The following ATG7 variants were observed in gnomAD, a reference collection of about 807,000 sequenced individuals.
ATG7 encodes autophagy related 7, also known as ubiquitin-like modifier-activating enzyme ATG7.
A neutral mutation model predicts 82.4 loss-of-function variants in ATG7; 70 were observed. That is an observed-to-expected ratio of 0.85 (90% CI 0.70 to 1.04). The LOEUF (loss-of-function observed/expected upper bound fraction) is 1.04, where lower values mean the gene tolerates loss of function less well. Among genes scored for constraint, ATG7 ranks in the 50% least tolerant of loss-of-function variants. The pLI is 0.00. For missense variants in ATG7, 792 were observed against 864.3 expected (o/e 0.92, Z 1.05); for synonymous variants, 287 against 313.0 (o/e 0.92, Z 0.88).
intron 3 of ATG7, chr3:11,290,479 G>C (rs1215672333): frequency 6.8e-6 from 2 of 294,440 alleles, no homozygotes; most frequent in Non-Finnish European, 1.3e-5. Context: ...ACCTGTTTCT[G>C]CAGCCTCATG....
Position 11,340,569 on chromosome 3 carries a change from A to T in ATG7, c.890-76A>T. ...GCCATTATGAATGTCGATCTTTTTT[A>T]TGTAAGGTCGTTGCTTGATCTGCTT... On this transcript the variant is annotated intron_variant, in intron 11 of 20. Transcript: ENST00000693202. The T allele has an allele frequency of 7.6e-7, 1 of 1,321,876 alleles. No homozygotes were observed. 81.9% of individuals were successfully genotyped at this position (1,321,876 alleles called of 1,614,324 possible). A position where few individuals can be genotyped will look rare whatever the true frequency, so the allele number is the denominator to read the frequency against.
At chr3:11,460,102 G>A (rs1191890939) in intron 20 of ATG7, among the ~76,000 whole-genome samples, 1 of 152,178 alleles carries the variant, frequency 6.6e-6, no homozygotes, top group Non-Finnish European at 1.5e-5. Context: ...CAGTTTAAAT[G>A]TAGGCAGCCT....
Position 11,516,914 on chromosome 3 carries a change from C to T in ATG7, c.2080-37897C>T, listed in dbSNP as rs950968487. 5.3e-5 allele frequency among the ~76,000 whole-genome samples: 8 copies of T among 152,234 alleles called. No individual in the cohort carries two copies. The South Asian group carries it at 6.2e-4, about 12-fold the overall frequency. On this transcript the variant is annotated intron_variant, in intron 20 of 20. Coordinates refer to ENST00000693202, the MANE Select transcript of ATG7 (RefSeq NM_001349232.2). The stretch of plus-strand genomic sequence containing the variant: ...CCTGGCCAACATGATGAAACCCCGT[C>T]TGTACTAAAAATCCACAAATTAGCC...
intron 20 of ATG7, among the ~76,000 whole-genome samples, chr3:11,547,499 A>T (rs2071396263): frequency 6.6e-6 from 1 of 152,306 alleles, no homozygotes; most frequent in South Asian, 2.1e-4. Context: ...ACAAGTTTTT[A>T]TGTGGACACG....
chr3:11,299,761 A>G (rs1233003761), intron 5 of ATG7, among the ~76,000 whole-genome samples: 1 of 151,992 alleles, frequency 6.6e-6, no homozygotes, highest in East Asian at 1.9e-4. Context: ...GTCCATGGGC[A>G]TTGTCCATGG....
At chr3:11,395,447 A>G (rs2079131511) in intron 19 of ATG7, among the ~76,000 whole-genome samples, 1 of 151,524 alleles carries the variant, frequency 6.6e-6, no homozygotes. Context: ...ACCCATCATA[A>G]TCAAACTTCA....
chr3:11,394,088 G>T (rs183214332), intron 19 of ATG7, among the ~76,000 whole-genome samples: 1 of 152,262 alleles, frequency 6.6e-6, no homozygotes, highest in East Asian at 1.9e-4. Context: ...GTTGTCCAGG[G>T]TCATAGAATG....
chr3:11,550,016 T>C (rs1191718799), intron 20 of ATG7, among the ~76,000 whole-genome samples: 1 of 152,236 alleles, frequency 6.6e-6, no homozygotes, highest in Non-Finnish European at 1.5e-5. Context: ...TTATATTTCC[T>C]CTTTGGTGAA....
chr3:11,330,394 G>A (rs941980041), intron 9 of ATG7, among the ~76,000 whole-genome samples: 1 of 152,024 alleles, frequency 6.6e-6, no homozygotes, highest in Non-Finnish European at 1.5e-5. Context: ...TTTATACTTT[G>A]GGTTATAATT....
chr3:11,454,781 T>C (rs993919792), intron 20 of ATG7, among the ~76,000 whole-genome samples: 3 of 152,202 alleles, frequency 2.0e-5, no homozygotes, highest in African/African-American at 7.2e-5. Context: ...ACTGAATAGA[T>C]TCTCATTGAG....
chr3:11,336,774 A>T (rs992345389), intron 11 of ATG7, among the ~76,000 whole-genome samples: 1 of 152,022 alleles, frequency 6.6e-6, no homozygotes, highest in Non-Finnish European at 1.5e-5. Context: ...CCAGGCTCAA[A>T]CCATCCCCCC....
intron 20 of ATG7, among the ~76,000 whole-genome samples, chr3:11,476,948 G>A (rs1039934650): frequency 7.9e-5 from 12 of 152,092 alleles, no homozygotes; most frequent in African/African-American, 2.7e-4. Context: ...TAAGCAAACT[G>A]CCATAAAACC....
At chr3:11,338,615 G>A (rs1289430532) in intron 11 of ATG7, among the ~76,000 whole-genome samples, 1 of 152,094 alleles carries the variant, frequency 6.6e-6, no homozygotes, top group African/African-American at 2.4e-5. Flanking sequence ...AGGAGTTCAA[G>A]ACCAGCTTCA....
intron 19 of ATG7, among the ~76,000 whole-genome samples, chr3:11,396,945 A>G (rs1443906996): frequency 2.0e-5 from 3 of 152,146 alleles, no homozygotes; most frequent in Non-Finnish European, 4.4e-5. Context: ...TAACTGATAG[A>G]CTAAACAGTA....
intron 3 of ATG7, among the ~76,000 whole-genome samples, chr3:11,297,461 A>G (rs1052743917): frequency 1.3e-5 from 2 of 152,070 alleles, no homozygotes; most frequent in African/African-American, 4.8e-5. Context: ...GACCTTATCA[A>G]TTTGCTTTTT....
intron 20 of ATG7, among the ~76,000 whole-genome samples, chr3:11,458,630 T>C (rs559177482): frequency 3.9e-5 from 6 of 152,310 alleles, no homozygotes; most frequent in African/African-American, 1.4e-4. Context: ...TAGTTACTTC[T>C]CCATGCTGGA....
At chr3:11,325,659 G>A (rs1457992938) in intron 9 of ATG7, among the ~76,000 whole-genome samples, 69 of 145,256 alleles carry the variant, frequency 4.8e-4, no homozygotes, top group Middle Eastern at 3.6e-3. Flanking sequence ...CAACAGGGGC[G>A]AAACTACATC....
At chr3:11,492,119 G>A (rs879703504) in intron 20 of ATG7, among the ~76,000 whole-genome samples, 33 of 152,190 alleles carry the variant, frequency 2.2e-4, no homozygotes, top group Non-Finnish European at 5.9e-5. Context: ...GTGAGACTCC[G>A]TGGTCATAGG....
intron 19 of ATG7, among the ~76,000 whole-genome samples, chr3:11,380,882 T>G (rs750704145): frequency 1.3e-5 from 2 of 152,210 alleles, no homozygotes; most frequent in Non-Finnish European, 2.9e-5. Context: ...TCTGCCACTG[T>G]GGAAGAAAGA....
Sources: allele counts gnomAD v4.1 joint callset (sites outside exome capture counted in the v4.1 genomes callset), GRCh38; gene constraint gnomAD v4.1.1; transcripts MANE v1.5; gene names NCBI Gene and HGNC (gene_info 2026-07-23, HGNC 2026-07-21).